The following CEBPZ variants were observed in gnomAD, a reference collection of about 807,000 sequenced individuals.
CEBPZ encodes the protein CCAAT enhancer binding protein zeta.
CEBPZ carries 78 observed loss-of-function variants against 104.5 expected under a neutral mutation model. That is an observed-to-expected ratio of 0.75 (90% confidence interval 0.62 to 0.90). The LOEUF (loss-of-function observed/expected upper bound fraction) is 0.90, where lower values mean the gene tolerates loss of function less well. Among genes scored for constraint, CEBPZ ranks in the 40% least tolerant of loss-of-function variants. CEBPZ has a pLI of 0.00. For missense variants in CEBPZ, 1,439 were observed against 1,233.5 expected (o/e 1.17, Z -2.50); for synonymous variants, 470 against 427.0 (o/e 1.10, Z -1.24).
At position 37,228,672 on chromosome 2, in the gene CEBPZ, G is replaced by A. The variant is rs752278131; in HGVS notation, c.521C>T (p.Thr174Ile). 2.5e-6 allele frequency: 4 copies of A among 1,614,170 alleles called. No individual in the cohort carries two copies. The highest frequency in any genetic ancestry group is 3.4e-6 in the Non-Finnish European group (4 of 1,180,036). Residue 174 changes from threonine (T) to isoleucine (I), a missense_variant, in exon 2 of 16, where the codon ACT becomes ATT. Coordinates refer to ENST00000234170, the MANE Select transcript of CEBPZ (RefSeq NM_005760.3). ...QNIFEFFERQ[T>I]LLLRPGGKWY... ...TTTGCCTCCAGGCCTAAGTAACAAA[G>A]TCTGTCTCTCAAAAAATTCAAAGAT...
At chr2:37,213,358 G>A (rs1416285980) in intron 10 of CEBPZ, 1 of 152,966 alleles carries the variant, frequency 6.5e-6, no homozygotes, top group Non-Finnish European at 1.5e-5. Flanking sequence ...CACAAATCAT[G>A]TATTTTTCTG....
chr2:37,228,869 A>C lies in CEBPZ; in HGVS notation c.324T>G (p.Ala108=), dbSNP rs1664958935. ...KASLVEEDEP[A]EKENSSKKEV... The stretch of plus-strand genomic sequence containing the variant: ...CTTTTTTGCTGGAATTTTCTTTTTC[A>C]GCTGGTTCATCTTCTTCAACTAAGG... The change falls in exon 2 of 16, where the codon GCT becomes GCG. Residue 108 remains alanine, a synonymous_variant. Transcript: ENST00000234170. 3 of 1,599,542 alleles carry C rather than the reference A, an allele frequency of 1.9e-6. No individual in the cohort carries two copies. Among genetic ancestry groups the C allele is most frequent in the Non-Finnish European group, 2.6e-6 (3 of 1,176,404 alleles).
chr2:37,219,613 G>GT (rs1337417983), intron 5 of CEBPZ, among the ~76,000 whole-genome samples: 1 of 152,120 alleles, frequency 6.6e-6, no homozygotes, highest in Non-Finnish European at 1.5e-5. Flanking sequence ...CACTAAAAAG[G>GT]TATCAGGAAC....
intron 2 of CEBPZ, among the ~76,000 whole-genome samples, chr2:37,224,026 A>C (rs1379662499): frequency 6.6e-6 from 1 of 152,194 alleles, no homozygotes; most frequent in Non-Finnish European, 1.5e-5. Flanking sequence ...TTAGTCTCTC[A>C]GTCCCATGTT....
At chr2:37,217,546 T>C (rs2148355494) in intron 5 of CEBPZ, among the ~76,000 whole-genome samples, 1 of 152,316 alleles carries the variant, frequency 6.6e-6, no homozygotes, top group Admixed American at 6.5e-5. Flanking sequence ...GGTTTATATC[T>C]ACAGACACCT....
chr2:37,209,829 G>C (rs1275133096), intron 13 of CEBPZ: 5 of 152,092 alleles, frequency 3.3e-5, no homozygotes, highest in Non-Finnish European at 5.9e-5. Flanking sequence ...TAAATAATCA[G>C]CAGAGTAAAT....
rs747419410 is a variant in CEBPZ, at chr2:37,203,039, A to G, written c.2885-31T>C. On this transcript the variant is annotated intron_variant, in intron 13 of 15. Coordinates refer to ENST00000234170, the MANE Select transcript of CEBPZ (RefSeq NM_005760.3). ...AAAAATTGTAAGTCTACATTATTCA[A>G]TTATAAATCTAATGATTTTAGAAAA... is the stretch of plus-strand genomic sequence containing the variant. The G allele has an allele frequency of 3.6e-6, 5 of 1,373,268 alleles. No homozygotes were observed. In the Admixed American group the frequency reaches 7.3e-5, roughly 20 times the overall value. 85.1% of individuals were successfully genotyped at this position (1,373,268 alleles called of 1,614,324 possible).
At chr2:37,211,267 C>T in intron 12 of CEBPZ, 185 bp from the exon 13 acceptor site, 1 of 432,072 alleles carries the variant, frequency 2.3e-6, no homozygotes, top group Non-Finnish European at 4.1e-6. Flanking sequence ...AGAATTGGCA[C>T]AGTTCTAATA....
intron 13 of CEBPZ, among the ~76,000 whole-genome samples, chr2:37,207,535 A>C (rs1677580049): frequency 6.6e-6 from 1 of 152,214 alleles, no homozygotes; most frequent in African/African-American, 2.4e-5. Flanking sequence ...TGGAAATTTA[A>C]TAATCTGCTC....
chr2:37,216,252 A>G (rs759010871), intron 7 of CEBPZ, 44 bp from the exon 8 acceptor site: 1 of 1,600,660 alleles, frequency 6.2e-7, no homozygotes, highest in Admixed American at 1.7e-5. Flanking sequence ...ACCTAGTTAT[A>G]AGCTCATATT....
intron 1 of CEBPZ, 40 bp from the exon 2 acceptor site, chr2:37,229,076 G>A: frequency 7.3e-7 from 1 of 1,370,522 alleles, no homozygotes; most frequent in Non-Finnish European, 9.6e-7. Context: ...TTACAAATGT[G>A]AAAAATAAAA....
intron 2 of CEBPZ, among the ~76,000 whole-genome samples, chr2:37,224,819 A>C (rs1194744258): frequency 6.6e-6 from 1 of 152,192 alleles, no homozygotes; most frequent in Non-Finnish European, 1.5e-5. Context: ...GCAAACAAAC[A>C]CTTTAAGAAG....
chr2:37,212,216 T>C (rs916137621), intron 11 of CEBPZ, 119 bp downstream of exon 11: 1 of 1,048,808 alleles, frequency 9.5e-7, no homozygotes, highest in African/African-American at 1.6e-5. Context: ...TGTATCCACT[T>C]CCCAAACTTA....
At position 37,228,478 on chromosome 2, in the gene CEBPZ, C is replaced by A. The variant is rs759852693; in HGVS notation, c.715G>T (p.Val239Leu). Residue 239 changes from valine (V) to leucine (L), a missense_variant, in exon 2 of 16, where the codon GTG (valine) becomes TTG (leucine). By Grantham distance (32) the Val-to-Leu change is conservative (BLOSUM62 1). Transcript: ENST00000234170. ...CTGTCACCTAGTGTCCCCGATGACA[C>A]AATTGCCTTCATCCAGGTAGAAGAG... ...GASSTWMKAIVSSGTLGDRMA... is the reference protein window; with the variant it reads ...GASSTWMKAILSSGTLGDRMA... The A allele has an allele frequency of 1.9e-6, 3 of 1,614,184 alleles. No homozygotes were observed. The highest frequency in any genetic ancestry group is 2.5e-6 in the Non-Finnish European group (3 of 1,180,036).
chr2:37,229,204 TTCTC>T (rs149719020), intron 1 of CEBPZ, among the ~76,000 whole-genome samples, 168 bp from the exon 2 acceptor site: 2,563 of 152,152 alleles, frequency 0.017, 38 homozygotes, highest in Non-Finnish European at 0.022. Context: ...AAATTTCTCT[TTCTC>T]TCTCTTTCTT....
At chr2:37,203,178 T>C in intron 13 of CEBPZ, 170 bp from the exon 14 acceptor site, 1 of 458,996 alleles carries the variant, frequency 2.2e-6, no homozygotes, top group African/African-American at 2.0e-5. Context: ...AGTTAGTATA[T>C]AATATTTTCA....
chr2:37,217,928 A>G (rs150247012), intron 5 of CEBPZ, among the ~76,000 whole-genome samples: 2 of 150,164 alleles, frequency 1.3e-5, no homozygotes. Context: ...AAACAAAAAC[A>G]AAAACCATAA....
In CEBPZ at chr2:37,215,033, A is replaced by G. The variant is rs78057330; in HGVS notation, c.2381-81T>C. On this transcript the variant is annotated intron_variant, in intron 8 of 15. Transcript: ENST00000234170. ...TCAAGCTCTTAAGACAAAATACAGC[A>G]TAATCTGTAATTCTAAAAATCTCAG... The G allele has an allele frequency of 3.2e-3, 2,790 of 860,516 alleles. 58 individuals are homozygous for G. In the African/African-American group the frequency reaches 0.04, roughly 12 times the overall value. 53.3% of individuals were successfully genotyped at this position (860,516 alleles called of 1,614,324 possible).
At position 37,228,483 on chromosome 2, in the gene CEBPZ, G is replaced by A. The variant is rs752904910; in HGVS notation, c.710C>T (p.Ala237Val). Reference sequence around the variant, plus strand: ...ACCTAGTGTCCCCGATGACACAATTGCCTTCATCCAGGTAGAAGAGGCTCC... The same window carrying A: ...ACCTAGTGTCCCCGATGACACAATTACCTTCATCCAGGTAGAAGAGGCTCC... ...QKGASSTWMK[A>V]IVSSGTLGDR... is the part of the protein sequence containing the mutation. The change falls in exon 2 of 16, where the codon GCA (alanine) becomes GTA (valine). Residue 237 changes from alanine (A) to valine (V), a missense_variant. By Grantham distance (64) the Ala-to-Val change is moderately conservative. Coordinates refer to ENST00000234170, the MANE Select transcript of CEBPZ (RefSeq NM_005760.3). 6.2e-7 allele frequency: 1 copy of A among 1,614,184 alleles called. No individual in the cohort carries two copies. Among genetic ancestry groups the A allele is most frequent in the Non-Finnish European group, 8.5e-7 (1 of 1,180,030 alleles).
Sources: allele counts gnomAD v4.1 joint callset (sites outside exome capture counted in the v4.1 genomes callset), GRCh38; gene constraint gnomAD v4.1.1; transcripts MANE v1.5; gene names NCBI Gene and HGNC (gene_info 2026-07-23, HGNC 2026-07-21).